The following OR7E24 variants were observed in gnomAD, a reference collection of about 807,000 sequenced individuals.
The protein encoded by OR7E24 is olfactory receptor 7E24.
For missense variants in OR7E24, 385 were observed against 410.3 expected, an observed-to-expected ratio of 0.94 and a Z score of 0.53; for synonymous variants, 130 against 157.5, an observed-to-expected ratio of 0.83 and a Z score of 1.31.
the OR7E24 span, among the ~76,000 whole-genome samples, chr19:9,218,948 A>G: frequency 1.4e-5 from 2 of 147,540 alleles, no homozygotes; most frequent in African/African-American, 5.1e-5. Flanking sequence ...GATTTTTAAT[A>G]TGAGAAAAAA....
chr19:9,213,873 C>G, the OR7E24 span: 1 of 1,543,520 alleles, frequency 6.5e-7, no homozygotes, highest in Non-Finnish European at 8.9e-7. Flanking sequence ...CGCAGTGTGT[C>G]CTCTTAGTTC....
chr19:9,208,875 A>AG, the OR7E24 span: 1 of 151,836 alleles, frequency 6.6e-6, no homozygotes, highest in Non-Finnish European at 1.5e-5. Context: ...TATTTTTAGT[A>AG]GAGATGGGGT....
the OR7E24 span, among the ~76,000 whole-genome samples, chr19:9,240,049 T>G: frequency 1.3e-5 from 2 of 152,042 alleles, no homozygotes; most frequent in African/African-American, 4.8e-5. Flanking sequence ...TTTTTAAAAT[T>G]TAGTCGAGAT....
At chr19:9,235,306 C>A in the OR7E24 span, 2 of 1,254,422 alleles carry the variant, frequency 1.6e-6, no homozygotes, top group Non-Finnish European at 2.3e-6. Flanking sequence ...TGACTCCCAC[C>A]TCCACAGCCC....
the OR7E24 span, among the ~76,000 whole-genome samples, chr19:9,233,981 G>T: frequency 6.7e-6 from 1 of 149,096 alleles, no homozygotes; most frequent in South Asian, 2.1e-4. Flanking sequence ...TCAGCTCCCT[G>T]CAACCTCCGC....
At chr19:9,242,415 T>A (rs1448306486), upstream of OR7E24, among the ~76,000 whole-genome samples, 1 of 151,982 alleles carries the variant, frequency 6.6e-6, no homozygotes, top group Non-Finnish European at 1.5e-5. Flanking sequence ...CCTGGCTAAT[T>A]TTTTTTGTAT....
chr19:9,221,370 AG>A, the OR7E24 span, among the ~76,000 whole-genome samples: 1 of 17,270 alleles, frequency 5.8e-5, no homozygotes, highest in African/African-American at 2.3e-4. Flanking sequence ...TTTTTTTTTG[AG>A]ACGGAGTCTC....
chr19:9,245,686 C>T (rs1440826107), upstream of OR7E24, among the ~76,000 whole-genome samples: 1 of 152,298 alleles, frequency 6.6e-6, no homozygotes, highest in East Asian at 1.9e-4. Flanking sequence ...TCGAATGGGT[C>T]GTGTGAGCCC....
upstream of OR7E24, chr19:9,250,798 C>T (rs570894173): frequency 2.7e-5 from 9 of 338,334 alleles, no homozygotes; most frequent in East Asian, 5.4e-5. Flanking sequence ...TATATTTTAC[C>T]GTGATCATGG....
chr19:9,216,379 C>T, the OR7E24 span, among the ~76,000 whole-genome samples: 1 of 152,120 alleles, frequency 6.6e-6, no homozygotes, highest in Non-Finnish European at 1.5e-5. Context: ...GGGACACAGC[C>T]AAACTATGTG....
chr19:9,225,970 G>C, the OR7E24 span, among the ~76,000 whole-genome samples: 1 of 152,224 alleles, frequency 6.6e-6, no homozygotes, highest in African/African-American at 2.4e-5. Flanking sequence ...TTTGTGCCAA[G>C]CTTGCTCCTG....
At chr19:9,221,046 G>C in the OR7E24 span, among the ~76,000 whole-genome samples, 2 of 151,936 alleles carry the variant, frequency 1.3e-5, no homozygotes, top group Non-Finnish European at 1.5e-5. Flanking sequence ...AGGCCTAGAC[G>C]GGCGGATCAC....
At chr19:9,225,326 C>T in the OR7E24 span, among the ~76,000 whole-genome samples, 1 of 151,220 alleles carries the variant, frequency 6.6e-6, no homozygotes, top group African/African-American at 2.4e-5. Flanking sequence ...GCCAAGATCA[C>T]ACCACTGTTC....
chr19:9,218,180 G>A, the OR7E24 span, among the ~76,000 whole-genome samples: 1 of 152,166 alleles, frequency 6.6e-6, no homozygotes, highest in Admixed American at 6.6e-5. Context: ...TATAAAGACT[G>A]GGACCAAAGC....
chr19:9,216,008 A>G, the OR7E24 span, among the ~76,000 whole-genome samples: 1 of 152,184 alleles, frequency 6.6e-6, no homozygotes, highest in Non-Finnish European at 1.5e-5. Context: ...CACATCTTAC[A>G]TGGATGGTGG....
Position 9,251,943 on chromosome 19 carries a change from C to G in OR7E24, c.900C>G (p.Thr300=). The G allele has an allele frequency of 6.2e-7, 1 of 1,614,102 alleles. No homozygotes were observed. Among genetic ancestry groups the G allele is most frequent in the Non-Finnish European group, 8.5e-7 (1 of 1,180,024 alleles). ...CTTCAGTGATGTACACTGTGGTCAC[C>G]CCCATGCTGAACCCCTTCATCTACA... ...MVASVMYTVV[T]PMLNPFIYSL... Residue 300 remains threonine, a synonymous_variant, in exon 1 of 1, where the codon ACC becomes ACG. Transcript: ENST00000456448.
At position 9,251,179 on chromosome 19, in the gene OR7E24, G is replaced by A. The variant is rs773689741; in HGVS notation, c.136G>A (p.Ala46Thr). The stretch of plus-strand genomic sequence containing the variant: ...GGATCCAGAACTGCAGCCGGTCCTC[G>A]CTGGGCTGTTCCTGTCCATGTACCT... ...SEDPELQPVL[A>T]GLFLSMYLVT... The change falls in exon 1 of 1, where the codon GCT becomes ACT. Residue 46 changes from alanine (A) to threonine (T), a missense_variant. Coordinates refer to ENST00000456448, the MANE Select transcript of OR7E24 (RefSeq NM_001079935.2). 24 of 1,613,634 alleles carry A rather than the reference G, an allele frequency of 1.5e-5. No individual in the cohort carries two copies. The highest frequency in any genetic ancestry group is 1.6e-4 in the Middle Eastern group (1 of 6,070).
rs773509225 is a variant in OR7E24, at chr19:9,251,888, T to C, written c.845T>C (p.Val282Ala). The C allele has an allele frequency of 6.2e-7, 1 of 1,614,144 alleles. No homozygotes were observed. Among genetic ancestry groups the C allele is most frequent in the Non-Finnish European group, 8.5e-7 (1 of 1,180,010 alleles). The change falls in exon 1 of 1, where the codon GTG becomes GCG. Residue 282 changes from valine to alanine, a missense_variant. Physicochemically the swap from Val to Ala is moderately conservative, Grantham distance 64. Transcript: ENST00000456448. The part of the protein sequence containing the change: ...TGLVGYLSSA[V>A]LPSPRKSMVA... ...CTTGTAGGGTACCTCAGTTCAGCTG[T>C]GTTACCATCCCCCAGGAAGAGTATG...
the OR7E24 span, chr19:9,235,089 T>G: frequency 3.0e-6 from 2 of 661,862 alleles, no homozygotes; most frequent in Non-Finnish European, 2.6e-6. Flanking sequence ...AGGGTGATAT[T>G]GAAGAGTGAT....
Sources: gnomAD v4.1 joint callset for allele counts (sites outside exome capture counted in the v4.1 genomes callset) on GRCh38, gnomAD v4.1.1 for gene constraint, MANE v1.5 for transcripts, NCBI Gene and HGNC (gene_info 2026-07-23, HGNC 2026-07-21) for gene names.